The following CELF4 variants were observed in gnomAD, a reference collection of about 807,000 sequenced individuals.
CELF4 encodes the protein CUGBP Elav-like family member 4.
In CELF4, 18 loss-of-function variants were observed where a neutral mutation model predicts 59.9. The ratio of observed to expected loss-of-function variants is 0.30; its 90% confidence interval spans 0.21 to 0.45. The LOEUF is 0.45. Among genes scored for constraint, CELF4 ranks in the 20% least tolerant of loss-of-function variants. The pLI, the probability that CELF4 is intolerant of heterozygous loss-of-function variation, is 1.00. For missense variants in CELF4, 456 were observed against 689.0 expected (o/e 0.66, Z 3.79); for synonymous variants, 261 against 267.1 (o/e 0.98, Z 0.22).
At chr18:37,390,799 G>GGGT (rs1275483578) in intron 2 of CELF4, among the ~76,000 whole-genome samples, 1 of 89,470 alleles carries the variant, frequency 1.1e-5, no homozygotes, top group Non-Finnish European at 2.3e-5. Context: ...GGTGGTGATG[G>GGGT]GGCGGGGAGG....
At chr18:37,384,526 T>A (rs2099078429) in intron 2 of CELF4, among the ~76,000 whole-genome samples, 1 of 151,722 alleles carries the variant, frequency 6.6e-6, no homozygotes, top group Non-Finnish European at 1.5e-5. Flanking sequence ...GCACCGAGAC[T>A]CAGCAGGTTC....
At chr18:37,265,804 C>T (rs2077255179) in intron 9 of CELF4, among the ~76,000 whole-genome samples, 1 of 152,200 alleles carries the variant, frequency 6.6e-6, no homozygotes, top group African/African-American at 2.4e-5. Context: ...CCCCACTGCA[C>T]TCATGGGAGA....
intron 2 of CELF4, among the ~76,000 whole-genome samples, chr18:37,440,317 T>A (rs1461132941): frequency 6.6e-6 from 1 of 152,050 alleles, no homozygotes; most frequent in African/African-American, 2.4e-5. Flanking sequence ...TCCGAGGACA[T>A]CCTAGAGAAC....
At chr18:37,540,011 G>A (rs528124748) in intron 1 of CELF4, among the ~76,000 whole-genome samples, 58 of 152,282 alleles carry the variant, frequency 3.8e-4, no homozygotes, top group Non-Finnish European at 6.9e-4. Context: ...TGATGTGTGC[G>A]TAGCTCTCCC....
chr18:37,269,059 T>C (rs1254337670), intron 8 of CELF4, among the ~76,000 whole-genome samples: 1 of 152,068 alleles, frequency 6.6e-6, no homozygotes, highest in Admixed American at 6.5e-5. Flanking sequence ...CAGATGGGCT[T>C]GTGGGCAGGA....
intron 2 of CELF4, among the ~76,000 whole-genome samples, chr18:37,323,065 C>T (rs1376278225): frequency 6.6e-6 from 1 of 152,180 alleles, no homozygotes; most frequent in Admixed American, 6.5e-5. Context: ...TTCCTCCTAC[C>T]TTCTGCTCTA....
At chr18:37,373,000 C>A (rs953981018) in intron 2 of CELF4, among the ~76,000 whole-genome samples, 1 of 152,178 alleles carries the variant, frequency 6.6e-6, no homozygotes, top group East Asian at 1.9e-4. Context: ...ACAACCGACA[C>A]CCTTACACTC....
intron 2 of CELF4, among the ~76,000 whole-genome samples, chr18:37,425,863 T>G (rs921434611): frequency 1.3e-5 from 2 of 152,204 alleles, no homozygotes; most frequent in African/African-American, 4.8e-5. Flanking sequence ...GGACCTTTGG[T>G]CCCCAAGAGA....
At chr18:37,384,474 C>T (rs894409691) in intron 2 of CELF4, among the ~76,000 whole-genome samples, 10 of 151,572 alleles carry the variant, frequency 6.6e-5, no homozygotes, top group Admixed American at 1.3e-4. Context: ...CAGACAGGGG[C>T]GGGCAGGGAC....
chr18:37,333,504 G>C (rs1369752387), intron 2 of CELF4, among the ~76,000 whole-genome samples: 1 of 152,110 alleles, frequency 6.6e-6, no homozygotes, highest in African/African-American at 2.4e-5. Context: ...GAATACCCAG[G>C]CTCTTTTGGA....
chr18:37,260,684 C>T (rs1178308028), intron 10 of CELF4, among the ~76,000 whole-genome samples: 1 of 152,154 alleles, frequency 6.6e-6, no homozygotes, highest in Non-Finnish European at 1.5e-5. Context: ...CTCTTCTGCT[C>T]CTCTACCTTC....
At chr18:37,511,364 C>T (rs1029524669) in intron 1 of CELF4, among the ~76,000 whole-genome samples, 4 of 152,084 alleles carry the variant, frequency 2.6e-5, no homozygotes, top group Non-Finnish European at 4.4e-5. Context: ...TCCCCGCGTC[C>T]GGGTCCCCTG....
At chr18:37,356,027 G>A (rs372322224) in intron 2 of CELF4, among the ~76,000 whole-genome samples, 5 of 152,312 alleles carry the variant, frequency 3.3e-5, no homozygotes, top group African/African-American at 1.2e-4. Context: ...GCCCAGCCCA[G>A]CCCTGGCCTG....
At chr18:37,545,151 G>A (rs903024640) in intron 1 of CELF4, among the ~76,000 whole-genome samples, 6 of 152,350 alleles carry the variant, frequency 3.9e-5, no homozygotes, top group Admixed American at 2.6e-4. Flanking sequence ...AAGGGCACCA[G>A]TGCCCAACAG....
chr18:37,564,022 CA>C (rs1839170033), intron 1 of CELF4, among the ~76,000 whole-genome samples: 1 of 152,162 alleles, frequency 6.6e-6, no homozygotes, highest in Non-Finnish European at 1.5e-5. Flanking sequence ...GTCCATAGCC[CA>C]TTTGTGGCCA....
At chr18:37,286,333 T>A (rs1237740027) in intron 3 of CELF4, among the ~76,000 whole-genome samples, 1 of 152,202 alleles carries the variant, frequency 6.6e-6, no homozygotes, top group Non-Finnish European at 1.5e-5. Context: ...GTGATAAGGC[T>A]GTGTGTGGGG....
intron 1 of CELF4, among the ~76,000 whole-genome samples, chr18:37,512,949 T>A (rs191478126): frequency 6.6e-6 from 1 of 152,138 alleles, no homozygotes; most frequent in Non-Finnish European, 1.5e-5. Context: ...TCAGGGCCCA[T>A]GGATGACAGC....
intron 3 of CELF4, among the ~76,000 whole-genome samples, chr18:37,304,842 G>A (rs1209466462): frequency 6.6e-6 from 1 of 152,228 alleles, no homozygotes; most frequent in Non-Finnish European, 1.5e-5. Flanking sequence ...CTCCGCAAAA[G>A]GGAGGCTGTC....
intron 2 of CELF4, among the ~76,000 whole-genome samples, chr18:37,387,205 C>G (rs2099108869): frequency 6.6e-6 from 1 of 152,244 alleles, no homozygotes; most frequent in African/African-American, 2.4e-5. Flanking sequence ...GCCCCTTCCT[C>G]CCTGCCTTTT....
Sources: gnomAD v4.1 joint callset for allele counts (sites outside exome capture counted in the v4.1 genomes callset) on GRCh38, gnomAD v4.1.1 for gene constraint, MANE v1.5 for transcripts, NCBI Gene and HGNC (gene_info 2026-07-23, HGNC 2026-07-21) for gene names.